Variants in ARSH observed in about 807,000 individuals in gnomAD.
The protein encoded by ARSH is arylsulfatase H.
A neutral mutation model predicts 28.7 loss-of-function variants in ARSH; 32 were observed. The ratio of observed to expected loss-of-function variants is 1.11; its 90% CI spans 0.84 to 1.50. The LOEUF is 1.50. Ranked by LOEUF, ARSH falls within the 40% of genes most tolerant of loss-of-function variation. ARSH has a pLI of 0.00. For missense variants in ARSH, 440 were observed against 452.4 expected (o/e 0.97, Z 0.25); for synonymous variants, 176 against 177.3 (o/e 0.99, Z 0.06).
chrX:3,026,053 G>A (rs924449485), intron 6 of ARSH, among the ~76,000 whole-genome samples: 5 of 110,872 alleles, frequency 4.5e-5, no homozygotes, highest in Admixed American at 2.9e-4. Flanking sequence ...GTTACACCTC[G>A]CAGCTCTGCC....
rs2089922080 is a variant in ARSH at position 3,033,947 on chromosome X, C to T, written c.*562C>T. Among the ~76,000 whole-genome samples, 1 of 111,564 alleles carries T rather than the reference C, an allele frequency of 9.0e-6. No individual in the cohort carries two copies. Among genetic ancestry groups the T allele is most frequent in the African/African-American group, 3.3e-5 (1 of 30,733 alleles). The stretch of plus-strand genomic sequence containing the variant: ...GCTGAAGTTCTTGACTTTGCTTCCT[C>T]GTAGCTATATCATCGTGGAAATGTC... On this transcript the variant is annotated 3_prime_UTR_variant, in exon 9 of 9. Coordinates refer to ENST00000381130, the MANE Select transcript of ARSH (RefSeq NM_001011719.2).
chrX:3,012,965 A>G, intron 2 of ARSH, 82 bp from the exon 3 acceptor site: 1 of 1,099,815 alleles, frequency 9.1e-7, no homozygotes, highest in South Asian at 2.2e-5. Context: ...GAGGTGCGGG[A>G]GGAGAGGACT....
intron 2 of ARSH, among the ~76,000 whole-genome samples, chrX:3,011,252 C>CTTTTTT (rs386419239): frequency 2.2e-5 from 2 of 90,944 alleles, no homozygotes; most frequent in African/African-American, 4.0e-5. Context: ...TTCTTTCTTT[C>CTTTTTT]TTTTTTTTTT....
rs1260081287 is a variant in ARSH at position 3,010,101 on chromosome X, G to A, written c.164G>A (p.Cys55Tyr). 8.3e-7 allele frequency: 1 copy of A among 1,209,658 alleles called. No homozygotes were observed. The highest frequency in any genetic ancestry group is 2.2e-5 in the Admixed American group (1 of 45,654). Residue 55 changes from cysteine (C) to tyrosine (Y), a missense_variant, in exon 2 of 9, where the codon TGC becomes TAC. Coordinates refer to ENST00000381130, the MANE Select transcript of ARSH (RefSeq NM_001011719.2). ...CAGCATCTCGCAGCTGCTTCCATGT[G>A]CACCCCAAGTCGGGCTGCCTTCCTG... ...LTQHLAAASMCTPSRAAFLTG... is the reference protein window; with the variant it reads ...LTQHLAAASMYTPSRAAFLTG...
intron 5 of ARSH, among the ~76,000 whole-genome samples, chrX:3,023,460 GTTA>G (rs2089890040): frequency 1.9e-5 from 2 of 105,292 alleles, no homozygotes; most frequent in Admixed American, 1.1e-4. Context: ...ATAGTTACAT[GTTA>G]TTATATAATT....
intron 2 of ARSH, among the ~76,000 whole-genome samples, chrX:3,011,408 C>T (rs772272067): frequency 5.5e-4 from 60 of 109,539 alleles, no homozygotes; most frequent in African/African-American, 2.0e-3. Context: ...ACCACCACAC[C>T]CGGCTAATTT....
chrX:3,026,177 TAAAG>T (rs2147460331), intron 6 of ARSH, among the ~76,000 whole-genome samples: 1 of 111,168 alleles, frequency 9.0e-6, no homozygotes, highest in African/African-American at 3.3e-5. Flanking sequence ...TTTCTTATAA[TAAAG>T]AATGGTGCTA....
intron 3 of ARSH, 100 bp downstream of exon 3, chrX:3,013,272 T>C (rs971288305): frequency 7.4e-6 from 7 of 940,968 alleles, no homozygotes; most frequent in Non-Finnish European, 1.0e-5. Context: ...GCGCGCCAGT[T>C]TGACCGACTT....
chrX:3,020,449 C>T lies in ARSH; in HGVS notation c.901+1779C>T, dbSNP rs368370528. On this transcript the variant is annotated intron_variant, in intron 5 of 8. Coordinates refer to ENST00000381130, the MANE Select transcript of ARSH (RefSeq NM_001011719.2). The stretch of plus-strand genomic sequence containing the variant: ...CTAAAAATAGAAAAAATGAGCCGGG[C>T]GCGGTGGCGGGCGCCTGTAGTCCCA... Among the ~76,000 whole-genome samples the T allele has an allele frequency of 4.6e-4, 48 of 104,784 alleles. 1 individual carries two copies. In the South Asian group the frequency reaches 0.016, roughly 36 times the overall value. 91.0% of individuals were successfully genotyped at this position (104,784 alleles called of 115,157 possible). A position where few individuals can be genotyped will look rare whatever the true frequency, so the allele number is the denominator to read the frequency against.
In ARSH at chrX:3,013,030, G is replaced by T; in HGVS notation, c.215-17G>T. The T allele has an allele frequency of 8.3e-7, 1 of 1,207,158 alleles. No homozygotes were observed. Among genetic ancestry groups the T allele is most frequent in the East Asian group, 3.0e-5 (1 of 33,582 alleles). Reference sequence around the variant, plus strand: ...GCAAAGACTATGGTGCTAACTTATTGACTTCTGTGAATTTAGGGATGGTGT... The same window carrying T: ...GCAAAGACTATGGTGCTAACTTATTTACTTCTGTGAATTTAGGGATGGTGT... On this transcript the variant is annotated splice_polypyrimidine_tract_variant and intron_variant, in intron 2 of 8. Transcript: ENST00000381130.
chrX:3,024,980 T>A (rs1283400159), intron 6 of ARSH, among the ~76,000 whole-genome samples: 2 of 111,495 alleles, frequency 1.8e-5, no homozygotes, highest in African/African-American at 6.5e-5. Context: ...ATGTTTGAAC[T>A]TCCTTATATT....
Position 3,014,982 on chromosome X carries a change from T to C in ARSH, c.353T>C (p.Leu118Pro). Residue 118 changes from leucine to proline, a missense_variant, in exon 4 of 9, where the codon CTG becomes CCG. By Grantham distance (98) the Leu-to-Pro change is moderately conservative (BLOSUM62 -3). Coordinates refer to ENST00000381130, the MANE Select transcript of ARSH (RefSeq NM_001011719.2). ...ATTTTACTTTTAGGCAAATGGCACC[T>C]GGGTTTGAGCTGCGCCTCTCGGAAT... ...YRTGLIGKWH[L>P]GLSCASRNDH... 1 of 1,208,153 alleles carries C rather than the reference T, an allele frequency of 8.3e-7. No individual in the cohort carries two copies. Among genetic ancestry groups the C allele is most frequent in the Non-Finnish European group, 1.1e-6 (1 of 893,520 alleles).
At chrX:3,022,441 T>C (rs925067071) in intron 5 of ARSH, among the ~76,000 whole-genome samples, 1 of 112,007 alleles carries the variant, frequency 8.9e-6, no homozygotes, top group Non-Finnish European at 1.9e-5. Flanking sequence ...TGAGTTTACG[T>C]ATAAACAGTT....
intron 5 of ARSH, among the ~76,000 whole-genome samples, chrX:3,022,703 A>ACCT (rs1438725858): frequency 8.9e-6 from 1 of 112,038 alleles, no homozygotes; most frequent in East Asian, 2.8e-4. Context: ...CACATTAAAG[A>ACCT]CAGTGTCTGC....
Position 3,029,299 on chromosome X carries a change from T to A in ARSH, c.1252T>A (p.Ser418Thr). The A allele has an allele frequency of 8.3e-7, 1 of 1,210,511 alleles. No homozygotes were observed. The highest frequency in any genetic ancestry group is 1.1e-6 in the Non-Finnish European group (1 of 895,062). ...CCTGCTGGAAGGAAGGGCGTCCCAC[T>A]CCGACCACGAGTTCCTCTTCCACTA... ...MPLLEGRASH[S>T]DHEFLFHYCG... The change falls in exon 8 of 9, where the codon TCC becomes ACC. Residue 418 changes from serine (S) to threonine (T), a missense_variant. By Grantham distance (58) the Ser-to-Thr change is moderately conservative (BLOSUM62 1). Coordinates refer to ENST00000381130, the MANE Select transcript of ARSH (RefSeq NM_001011719.2).
intron 7 of ARSH, 63 bp from the exon 8 acceptor site, chrX:3,029,184 A>G: frequency 9.1e-7 from 1 of 1,104,726 alleles, no homozygotes; most frequent in Non-Finnish European, 1.2e-6. Flanking sequence ...TTCTTCTGCT[A>G]TAAAATGCGT....
intron 8 of ARSH, among the ~76,000 whole-genome samples, chrX:3,029,805 A>G (rs2089908956): frequency 8.9e-6 from 1 of 111,757 alleles, no homozygotes; most frequent in African/African-American, 3.2e-5. Context: ...TGCTGGGATT[A>G]CAGGCGTGAG....
intron 5 of ARSH, among the ~76,000 whole-genome samples, chrX:3,023,005 C>T (rs763654561): frequency 5.5e-5 from 6 of 108,139 alleles, no homozygotes; most frequent in Non-Finnish European, 7.6e-5. Context: ...TATTATTACA[C>T]GATTTGTATA....
chrX:3,015,779 C>T (rs1007598287), intron 4 of ARSH, among the ~76,000 whole-genome samples: 1 of 109,749 alleles, frequency 9.1e-6, no homozygotes. Context: ...GTGCAATAGA[C>T]CCACGTAACA....
Sources: allele counts gnomAD v4.1 joint callset (sites outside exome capture counted in the v4.1 genomes callset), GRCh38; gene constraint gnomAD v4.1.1; transcripts MANE v1.5; gene names NCBI Gene and HGNC (gene_info 2026-07-23, HGNC 2026-07-21).